CA5A: variants seen among roughly 807,000 people sequenced by gnomAD.
The protein encoded by CA5A is carbonic anhydrase 5A, mitochondrial.
CA5A carries 28 observed loss-of-function variants against 37.1 expected under a neutral mutation model. The observed-to-expected ratio is 0.75, with a 90% CI of 0.56 to 1.03. The LOEUF is 1.03. Ranked by LOEUF, CA5A falls within the 50% of genes least tolerant of loss-of-function variation. The pLI, the probability that CA5A is intolerant of heterozygous loss-of-function variation, is 0.00. For synonymous variants in CA5A, 171 were observed against 158.4 expected, an observed-to-expected ratio of 1.08 and a Z score of -0.60; for missense variants, 444 against 399.9, an observed-to-expected ratio of 1.11 and a Z score of -0.94.
At chr16:87,916,259 T>C (rs1262565686) in intron 2 of CA5A, among the ~76,000 whole-genome samples, 3 of 151,880 alleles carry the variant, frequency 2.0e-5, no homozygotes, top group African/African-American at 7.3e-5. Flanking sequence ...GGTGGGTGGA[T>C]AGCTTGAGGT....
At chr16:87,893,354 C>T in intron 5 of CA5A, 1 of 406,782 alleles carries the variant, frequency 2.5e-6, no homozygotes, top group Admixed American at 2.9e-5. Context: ...GTCTCGATCT[C>T]CTGACCTCGT....
intron 2 of CA5A, among the ~76,000 whole-genome samples, chr16:87,914,179 G>C (rs1026625657): frequency 6.6e-6 from 1 of 152,218 alleles, no homozygotes; most frequent in African/African-American, 2.4e-5. Flanking sequence ...TTCTCGTATG[G>C]AGCAGAAATG....
chr16:87,890,081 C>A (rs1238039903), intron 6 of CA5A, among the ~76,000 whole-genome samples: 1 of 152,236 alleles, frequency 6.6e-6, no homozygotes, highest in African/African-American at 2.4e-5. Context: ...CCCCGCCTTC[C>A]AGGACATGTG....
chr16:87,897,003 T>A (rs1181282637), intron 5 of CA5A, among the ~76,000 whole-genome samples: 2 of 152,246 alleles, frequency 1.3e-5, no homozygotes, highest in Non-Finnish European at 1.5e-5. Context: ...CCACCCAGCC[T>A]AACTCCGCCC....
At chr16:87,921,778 C>A (rs1183544125) in intron 2 of CA5A, among the ~76,000 whole-genome samples, 2 of 152,214 alleles carry the variant, frequency 1.3e-5, no homozygotes, top group Non-Finnish European at 2.9e-5. Flanking sequence ...AGCCTGCTGG[C>A]ATGAGATTCT....
intron 4 of CA5A, chr16:87,882,329 C>G (rs2055614604): frequency 6.6e-6 from 1 of 152,100 alleles, no homozygotes; most frequent in South Asian, 2.1e-4. Flanking sequence ...AGGACTTTCT[C>G]TCTTTGCTGC....
At chr16:87,902,158 A>C (rs773378007) in intron 4 of CA5A, among the ~76,000 whole-genome samples, 184 bp from the exon 5 acceptor site, 2 of 151,982 alleles carry the variant, frequency 1.3e-5, no homozygotes, top group Non-Finnish European at 2.9e-5. Context: ...GTTCGAAACC[A>C]GCCTGGCCAA....
chr16:87,922,565 G>A (rs1162589533), intron 2 of CA5A, among the ~76,000 whole-genome samples: 1 of 152,212 alleles, frequency 6.6e-6, no homozygotes, highest in South Asian at 2.1e-4. Flanking sequence ...ACAGGGTTGG[G>A]GCGTGGGTTT....
At chr16:87,892,040 G>T in intron 5 of CA5A, 86 bp from the exon 6 acceptor site, 2 of 1,267,506 alleles carry the variant, frequency 1.6e-6, no homozygotes, top group Non-Finnish European at 2.1e-6. Context: ...GGCCTTCATG[G>T]TGCTTGGAAG....
At chr16:87,915,462 G>C (rs2144018409) in intron 2 of CA5A, among the ~76,000 whole-genome samples, 1 of 151,812 alleles carries the variant, frequency 6.6e-6, no homozygotes, top group Admixed American at 6.6e-5. Context: ...TTGAGCTCAG[G>C]AGAAGCTTGC....
chr16:87,901,807 G>T (rs555610444), intron 5 of CA5A, 105 bp downstream of exon 5: 10 of 872,544 alleles, frequency 1.1e-5, no homozygotes, highest in Non-Finnish European at 1.8e-5. Flanking sequence ...GGCTGGTCTC[G>T]AACTCCCAAC....
intron 2 of CA5A, among the ~76,000 whole-genome samples, chr16:87,909,110 CGT>C (rs902492309): frequency 2.8e-4 from 42 of 151,972 alleles, no homozygotes; most frequent in African/African-American, 9.9e-4. Flanking sequence ...GGATTACAGA[CGT>C]GAGCCACTGT....
chr16:87,925,282 C>T (rs996805087), intron 2 of CA5A, among the ~76,000 whole-genome samples: 3 of 152,112 alleles, frequency 2.0e-5, no homozygotes, highest in East Asian at 1.9e-4. Flanking sequence ...AGCAAAAGGA[C>T]GCAGAGCGAG....
At chr16:87,913,314 T>G (rs2056079486) in intron 2 of CA5A, among the ~76,000 whole-genome samples, 1 of 151,012 alleles carries the variant, frequency 6.6e-6, no homozygotes, top group African/African-American at 2.5e-5. Context: ...TCTTTTTTTT[T>G]TTTTTGAGTC....
chr16:87,909,140 A>G (rs1179337619), intron 2 of CA5A, among the ~76,000 whole-genome samples: 1 of 151,770 alleles, frequency 6.6e-6, no homozygotes, highest in Non-Finnish European at 1.5e-5. Flanking sequence ...CTCTCACAGA[A>G]TTCTTTACTG....
In CA5A at chr16:87,888,024, T is replaced by C. The variant is rs564659805; in HGVS notation, c.*105A>G. On this transcript the variant is annotated 3_prime_UTR_variant, in exon 7 of 7. Coordinates refer to ENST00000649794, the MANE Select transcript of CA5A (RefSeq NM_001739.2). The stretch of plus-strand genomic sequence containing the variant: ...TTCGACTAAAACAATAACCTCATGC[T>C]CTCTTTTTAATTTCAGAAGTCATGT... 6.8e-7 allele frequency: 1 copy of C among 1,474,196 alleles called. No homozygotes were observed. Among genetic ancestry groups the C allele is most frequent in the African/African-American group, 1.4e-5 (1 of 71,092 alleles). The allele number at this position is 1,474,196 out of a possible 1,614,324, so 91.3% of individuals were successfully genotyped here.
intron 5 of CA5A, chr16:87,893,060 G>A: frequency 3.6e-6 from 4 of 1,119,856 alleles, no homozygotes; most frequent in South Asian, 1.5e-5. Context: ...CGAAGGCCAT[G>A]CAGTCTCTCA....
chr16:87,904,900 A>G lies in CA5A; in HGVS notation c.345T>C (p.Ile115=), dbSNP rs1372346570. The stretch of plus-strand genomic sequence containing the variant: ...AGTGGTTTTCCAAGGGCCCACCACT[A>G]ATTCCTGGAAATAAAGGCAGTGAGA... The part of the protein sequence containing the change: ...EFDDATEASG[I]SGGPLENHYR... The change falls in exon 3 of 7, where the codon ATT becomes ATC. Residue 115 remains isoleucine (I), a synonymous_variant. Transcript: ENST00000649794. 5 of 1,598,436 alleles carry G rather than the reference A, an allele frequency of 3.1e-6. No individual in the cohort carries two copies. Among genetic ancestry groups the G allele is most frequent in the Non-Finnish European group, 4.3e-6 (5 of 1,165,728 alleles).
chr16:87,920,440 G>T (rs2056214827), intron 2 of CA5A, among the ~76,000 whole-genome samples: 1 of 152,072 alleles, frequency 6.6e-6, no homozygotes. Context: ...CTCCTGAGTA[G>T]CTGGGATTAC....
Sources: allele counts gnomAD v4.1 joint callset (sites outside exome capture counted in the v4.1 genomes callset), GRCh38; gene constraint gnomAD v4.1.1; transcripts MANE v1.5; gene names NCBI Gene and HGNC (gene_info 2026-07-23, HGNC 2026-07-21).